Variants in DBF4 observed in about 807,000 individuals in gnomAD.
The protein encoded by DBF4 is DBF4-CDC7 kinase regulatory subunit.
DBF4 carries 25 observed loss-of-function variants against 76.6 expected under a neutral mutation model. The observed-to-expected ratio is 0.33, with a 90% CI of 0.24 to 0.46. The LOEUF is 0.46. DBF4 is among the 20% of genes least tolerant of loss of function. DBF4 has a pLI of 1.00. For synonymous variants in DBF4, 213 were observed against 258.0 expected (o/e 0.83, Z 1.67); for missense variants, 638 against 760.8 (o/e 0.84, Z 1.90).
At position 87,876,599 on chromosome 7, in the gene DBF4, TACTGCGTAGAGGCCGTAGCTGGCGGA is replaced by T; in HGVS notation, c.-132_-107del. 1.0e-6 allele frequency: 1 copy of T among 996,968 alleles called. No individual in the cohort carries two copies. Among genetic ancestry groups the T allele is most frequent in the Non-Finnish European group, 1.5e-6 (1 of 653,490 alleles). The allele number at this position is 996,968 out of a possible 1,614,324, so 61.8% of individuals were successfully genotyped here. Reference sequence around the variant, plus strand: ...ACCCGACCTGCAGACGCGGTACCTCTACTGCGTAGAGGCCGTAGCTGGCGGAAGGAGAGAGGCGGCCGTCCTGTCAA... The same window carrying T: ...ACCCGACCTGCAGACGCGGTACCTCTAGGAGAGAGGCGGCCGTCCTGTCAA... On this transcript the variant is annotated 5_prime_UTR_variant, in exon 1 of 12. Transcript: ENST00000265728.
chr7:87,893,657 A>AT (rs1839553527), intron 6 of DBF4, among the ~76,000 whole-genome samples: 1 of 152,118 alleles, frequency 6.6e-6, no homozygotes, highest in Non-Finnish European at 1.5e-5. Flanking sequence ...TTCTGGCTTT[A>AT]TTTTTATTAG....
At chr7:87,876,878 C>A (rs1195132007) in intron 1 of DBF4, 100 bp downstream of exon 1, 6 of 1,340,168 alleles carry the variant, frequency 4.5e-6, no homozygotes, top group African/African-American at 4.3e-5. Flanking sequence ...TCCTCAGCTT[C>A]TTTTCTTCTG....
At position 87,907,493 on chromosome 7, in the gene DBF4, C is replaced by T. The variant is rs757065384; in HGVS notation, c.1355C>T (p.Pro452Leu). ...ATAAGACAGAATTTTACACAGCTAC[C>T]TCTACATAAAAACAAACAGGAATGC... ...DDIRQNFTQLPLHKNKQECIL... is the reference protein window; with the variant it reads ...DDIRQNFTQLLLHKNKQECIL... The change falls in exon 12 of 12, where the codon CCT (proline) becomes CTT (leucine). Residue 452 changes from proline to leucine, a missense_variant. Physicochemically the swap from Pro to Leu is moderately conservative, Grantham distance 98. Coordinates refer to ENST00000265728, the MANE Select transcript of DBF4 (RefSeq NM_006716.4). 4 of 1,613,864 alleles carry T rather than the reference C, an allele frequency of 2.5e-6. No homozygotes were observed. The African/African-American group carries it at 4.0e-5, about 16-fold the overall frequency.
rs1839666526 is a variant in DBF4, at chr7:87,897,276, G to A, written c.635-18G>A. The A allele has an allele frequency of 6.3e-7, 1 of 1,597,042 alleles. No individual in the cohort carries two copies. The highest frequency in any genetic ancestry group is 1.4e-5 in the African/African-American group (1 of 73,776). On this transcript the variant is annotated intron_variant, in intron 7 of 11. Transcript: ENST00000265728. ...TCCTGAATTTGCAAGTATCTAATAT[G>A]TTTTCTATGTTCTCAAGCAGGAAGA...
chr7:87,886,737 A>T (rs1839365428), intron 3 of DBF4, 107 bp from the exon 4 acceptor site: 1 of 700,668 alleles, frequency 1.4e-6, no homozygotes. Flanking sequence ...AAAAAAGAGA[A>T]ACTTTTTAAT....
At chr7:87,881,481 T>C (rs117811896) in intron 2 of DBF4, among the ~76,000 whole-genome samples, 2,190 of 152,296 alleles carry the variant, frequency 0.014, 16 homozygotes, top group South Asian at 0.034. Flanking sequence ...AGAGATGACA[T>C]TGGTACAAGT....
Position 87,907,992 on chromosome 7 carries a change from A to C in DBF4, c.1854A>C (p.Leu618Phe), listed in dbSNP as rs1339905906. ...NRICSSPVQS[L>F]LDLFQTSEEK... ...TTTGTAGTTCACCGGTACAGTCTTTACTAGACTTGTTTCAGACTAGTGAAG... is the reference window on the plus strand; with the variant it reads ...TTTGTAGTTCACCGGTACAGTCTTTCCTAGACTTGTTTCAGACTAGTGAAG... The change falls in exon 12 of 12, where the codon TTA (leucine) becomes TTC (phenylalanine). Residue 618 changes from leucine to phenylalanine, a missense_variant. By Grantham distance (22) the Leu-to-Phe change is conservative. Coordinates refer to ENST00000265728, the MANE Select transcript of DBF4 (RefSeq NM_006716.4). 19 of 1,613,658 alleles carry C rather than the reference A, an allele frequency of 1.2e-5. No individual in the cohort carries two copies. Among genetic ancestry groups the C allele is most frequent in the Non-Finnish European group, 1.5e-5 (18 of 1,179,776 alleles).
At chr7:87,897,235 T>TAAAAAA in intron 7 of DBF4, 59 bp from the exon 8 acceptor site, 2 of 1,315,604 alleles carry the variant, frequency 1.5e-6, no homozygotes, top group Non-Finnish European at 1.0e-6. Flanking sequence ...GTAGTTTTAT[T>TAAAAAA]AAAAAAAAAA....
At chr7:87,878,476 A>G (rs180937525) in intron 2 of DBF4, 1 of 331,776 alleles carries the variant, frequency 3.0e-6, no homozygotes, top group Admixed American at 4.6e-5. Flanking sequence ...TCCTAGTGGA[A>G]CTGCTCATTG....
intron 8 of DBF4, among the ~76,000 whole-genome samples, chr7:87,897,989 G>C (rs1047094301): frequency 2.0e-5 from 3 of 152,262 alleles, no homozygotes; most frequent in Non-Finnish European, 4.4e-5. Flanking sequence ...TGTTGGCCAG[G>C]CTAGTCTCTA....
At position 87,908,319 on chromosome 7, in the gene DBF4, G is replaced by T; in HGVS notation, c.*156G>T. 1.4e-6 allele frequency: 1 copy of T among 715,856 alleles called. No individual in the cohort carries two copies. Among genetic ancestry groups the T allele is most frequent in the South Asian group, 4.1e-5 (1 of 24,318 alleles). The allele number at this position is 715,856 out of a possible 1,614,324, so 44.3% of individuals were successfully genotyped here. A position where few individuals can be genotyped will look rare whatever the true frequency, so the allele number is the denominator to read the frequency against. On this transcript the variant is annotated 3_prime_UTR_variant, in exon 12 of 12. Coordinates refer to ENST00000265728, the MANE Select transcript of DBF4 (RefSeq NM_006716.4). ...AATATTTGCAATTTTCTACAGAATTGAATACCTGTTAAAGAAAAATTACAG... is the reference window on the plus strand; with the variant it reads ...AATATTTGCAATTTTCTACAGAATTTAATACCTGTTAAAGAAAAATTACAG...
chr7:87,886,447 A>G (rs765100740), intron 3 of DBF4, among the ~76,000 whole-genome samples: 6 of 149,786 alleles, frequency 4.0e-5, no homozygotes, highest in Non-Finnish European at 7.4e-5. Context: ...GGGCAGGAGA[A>G]TCACTTGAAC....
intron 11 of DBF4, 23 bp downstream of exon 11, chr7:87,904,439 G>T: frequency 6.2e-7 from 1 of 1,602,008 alleles, no homozygotes; most frequent in Non-Finnish European, 8.5e-7. Context: ...ATCAACCTAA[G>T]TTTTAAATTC....
At position 87,888,306 on chromosome 7, in the gene DBF4, G is replaced by A. The variant is rs572226195; in HGVS notation, c.597+247G>A. 172 of 985,056 alleles carry A rather than the reference G, an allele frequency of 1.7e-4. No individual in the cohort carries two copies. In the African/African-American group the frequency reaches 2.7e-3, roughly 16 times the overall value. The allele number at this position is 985,056 out of a possible 1,614,324, so 61.0% of individuals were successfully genotyped here. A position where few individuals can be genotyped will look rare whatever the true frequency, so the allele number is the denominator to read the frequency against. On this transcript the variant is annotated intron_variant, in intron 6 of 11. Transcript: ENST00000265728. ...CTTTTGTTACTGCTGTTTTGTAACA[G>A]GTACTTTTATTTATTCTGTAGAAAA...
chr7:87,907,068 C>A, intron 11 of DBF4, 120 bp from the exon 12 acceptor site: 4 of 1,076,232 alleles, frequency 3.7e-6, no homozygotes, highest in Non-Finnish European at 5.0e-6. Context: ...GTAAAATTTC[C>A]TAAGTTAAAT....
chr7:87,893,600 T>C (rs1839552188), intron 6 of DBF4, among the ~76,000 whole-genome samples: 1 of 152,236 alleles, frequency 6.6e-6, no homozygotes. Context: ...CTCTCTCTTC[T>C]GTCCCTGTTA....
At chr7:87,902,804 A>G (rs1017939587) in intron 10 of DBF4, among the ~76,000 whole-genome samples, 8 of 152,224 alleles carry the variant, frequency 5.3e-5, no homozygotes, top group Non-Finnish European at 7.3e-5. Context: ...TTTGCAAGTA[A>G]TGAAGGAATA....
chr7:87,893,271 C>T (rs1312644965), intron 6 of DBF4, among the ~76,000 whole-genome samples: 5 of 145,316 alleles, frequency 3.4e-5, no homozygotes, highest in Admixed American at 2.8e-4. Context: ...CGGAGTCTCG[C>T]TCTGTCGCCC....
chr7:87,881,986 G>T (rs1251502998), intron 2 of DBF4, among the ~76,000 whole-genome samples: 1 of 152,212 alleles, frequency 6.6e-6, no homozygotes, highest in Non-Finnish European at 1.5e-5. Context: ...AGTGGGATTT[G>T]AGCTTAGGAT....
Sources: allele counts gnomAD v4.1 joint callset (sites outside exome capture counted in the v4.1 genomes callset), GRCh38; gene constraint gnomAD v4.1.1; transcripts MANE v1.5; gene names NCBI Gene and HGNC (gene_info 2026-07-23, HGNC 2026-07-21).